DPP10: variants seen among roughly 807,000 people sequenced by gnomAD.
DPP10 encodes inactive dipeptidyl peptidase 10.
Under a neutral mutation model 120.9 loss-of-function variants are expected in DPP10, and 33 were observed. That is an observed-to-expected ratio of 0.27 (90% CI 0.21 to 0.37). The LOEUF (loss-of-function observed/expected upper bound fraction) is 0.37, where lower values mean the gene tolerates loss of function less well. Among genes scored for constraint, DPP10 ranks in the 10% least tolerant of loss-of-function variants. DPP10 has a pLI of 1.00. For missense variants in DPP10, 816 were observed against 942.8 expected, an observed-to-expected ratio of 0.87 and a Z score of 1.76; for synonymous variants, 337 against 326.1, an observed-to-expected ratio of 1.03 and a Z score of -0.36.
intron 3 of DPP10, among the ~76,000 whole-genome samples, chr2:115,436,177 A>C (rs2104821212): frequency 6.6e-6 from 1 of 152,020 alleles, no homozygotes; most frequent in South Asian, 2.1e-4. Context: ...GGTATGGAAT[A>C]GTTACAAAAA....
chr2:114,670,104 C>T (rs930407306), intron 1 of DPP10, among the ~76,000 whole-genome samples: 6 of 152,122 alleles, frequency 3.9e-5, no homozygotes, highest in Non-Finnish European at 5.9e-5. Context: ...TTGTGGAAGT[C>T]GGTGTGGAGA....
chr2:115,191,458 T>A (rs534046441), intron 1 of DPP10, among the ~76,000 whole-genome samples: 20 of 152,328 alleles, frequency 1.3e-4, no homozygotes, highest in African/African-American at 4.8e-4. Flanking sequence ...CCACAGGGTA[T>A]AACGAGGCAA....
intron 10 of DPP10, among the ~76,000 whole-genome samples, chr2:115,746,885 A>G (rs1575663770): frequency 6.6e-6 from 1 of 152,180 alleles, no homozygotes; most frequent in African/African-American, 2.4e-5. Context: ...ATTTAGAAAA[A>G]TGTTTTCACA....
At chr2:115,774,069 T>G (rs183919656) in intron 13 of DPP10, among the ~76,000 whole-genome samples, 3 of 152,174 alleles carry the variant, frequency 2.0e-5, no homozygotes, top group Admixed American at 2.0e-4. Context: ...CACTTGAAAG[T>G]GTAATATTTT....
chr2:114,907,420 A>T (rs1412723903), intron 1 of DPP10, among the ~76,000 whole-genome samples: 1 of 151,988 alleles, frequency 6.6e-6, no homozygotes, highest in Non-Finnish European at 1.5e-5. Context: ...TCTCTTTTTT[A>T]AATATAGAAT....
intron 1 of DPP10, among the ~76,000 whole-genome samples, chr2:115,086,193 C>A (rs1035242715): frequency 6.6e-6 from 1 of 152,138 alleles, no homozygotes; most frequent in Non-Finnish European, 1.5e-5. Context: ...AGTCTAGCAC[C>A]TTTTAAAGAT....
rs139413111 is a variant in DPP10 at position 114,574,373 on chromosome 2, G to A, written c.60+131535G>A. ...CCCCGCCCTGCACAGCGTCAGCGCC[G>A]CTTGCCCACCACTCTCCTAAAGACC... On this transcript the variant is annotated intron_variant, in intron 1 of 25. Transcript: ENST00000410059. Among the ~76,000 whole-genome samples the A allele has an allele frequency of 1.2e-4, 18 of 152,224 alleles. No homozygotes were observed. The East Asian group carries it at 2.7e-3, about 23-fold the overall frequency.
chr2:115,170,545 C>T (rs2053240416), intron 1 of DPP10, among the ~76,000 whole-genome samples: 1 of 152,172 alleles, frequency 6.6e-6, no homozygotes, highest in South Asian at 2.1e-4. Flanking sequence ...GATTTTCTAT[C>T]TACCTCACTA....
At chr2:114,482,887 AG>A (rs1305586942) in intron 1 of DPP10, among the ~76,000 whole-genome samples, 2 of 152,188 alleles carry the variant, frequency 1.3e-5, no homozygotes, top group Non-Finnish European at 2.9e-5. Flanking sequence ...TCAGTCACCA[AG>A]TTCACTCCTT....
At chr2:115,017,260 C>T (rs985085644) in intron 1 of DPP10, among the ~76,000 whole-genome samples, 7 of 151,612 alleles carry the variant, frequency 4.6e-5, no homozygotes, top group Admixed American at 4.6e-4. Flanking sequence ...AAATGCTCAT[C>T]ATCACTGGCC....
At chr2:115,605,999 C>T (rs2149235194) in intron 5 of DPP10, among the ~76,000 whole-genome samples, 1 of 152,110 alleles carries the variant, frequency 6.6e-6, no homozygotes, top group Admixed American at 6.5e-5. Flanking sequence ...CTTTCAAATT[C>T]CTAATGTAGA....
intron 1 of DPP10, among the ~76,000 whole-genome samples, chr2:114,770,139 A>T (rs923187834): frequency 2.0e-5 from 3 of 152,124 alleles, no homozygotes; most frequent in Non-Finnish European, 4.4e-5. Flanking sequence ...TAGAGTACCA[A>T]AATACCCATG....
chr2:115,226,649 T>C (rs1448864445), intron 1 of DPP10, among the ~76,000 whole-genome samples: 1 of 152,210 alleles, frequency 6.6e-6, no homozygotes, highest in Non-Finnish European at 1.5e-5. Flanking sequence ...GACACTTTAT[T>C]GAGCACTTCT....
intron 1 of DPP10, among the ~76,000 whole-genome samples, chr2:114,448,011 T>C (rs1440159729): frequency 6.6e-6 from 1 of 152,158 alleles, no homozygotes; most frequent in Admixed American, 6.5e-5. Flanking sequence ...CACTTACAAT[T>C]TCCATTTATG....
At chr2:114,825,203 T>C (rs1686424266) in intron 1 of DPP10, among the ~76,000 whole-genome samples, 2 of 152,232 alleles carry the variant, frequency 1.3e-5, no homozygotes, top group African/African-American at 4.8e-5. Flanking sequence ...GACTATATAT[T>C]TCTCCCTTCA....
chr2:115,570,083 T>C lies in DPP10; in HGVS notation c.441+44111T>C, dbSNP rs568574113. Among the ~76,000 whole-genome samples, 13 of 152,324 alleles carry C rather than the reference T, an allele frequency of 8.5e-5. No individual in the cohort carries two copies. In the South Asian group the frequency reaches 2.7e-3, roughly 32 times the overall value. On this transcript the variant is annotated intron_variant, in intron 5 of 25. Coordinates refer to ENST00000410059, the MANE Select transcript of DPP10 (RefSeq NM_020868.6). ...AAAGAAAATTCTAGGAAACATACTT[T>C]TTCTGACGTTGAAAAGTTGCTTTCT...
chr2:114,679,149 T>C (rs544553891), intron 1 of DPP10, among the ~76,000 whole-genome samples: 1 of 152,040 alleles, frequency 6.6e-6, no homozygotes, highest in Non-Finnish European at 1.5e-5. Context: ...ATGGCAGTTG[T>C]TTGAGAGGAT....
At chr2:115,244,210 G>A (rs868592560) in intron 1 of DPP10, among the ~76,000 whole-genome samples, 83 of 91,362 alleles carry the variant, frequency 9.1e-4, no homozygotes, top group African/African-American at 2.8e-3. Flanking sequence ...ATATATATAT[G>A]TGTGTGTATA....
chr2:114,527,276 C>T (rs1228302204), intron 1 of DPP10, among the ~76,000 whole-genome samples: 1 of 152,146 alleles, frequency 6.6e-6, no homozygotes, highest in Non-Finnish European at 1.5e-5. Context: ...TTCCCTCTAT[C>T]TCTCTATAAA....
Sources: gnomAD v4.1 joint callset for allele counts (sites outside exome capture counted in the v4.1 genomes callset) on GRCh38, gnomAD v4.1.1 for gene constraint, MANE v1.5 for transcripts, NCBI Gene and HGNC (gene_info 2026-07-23, HGNC 2026-07-21) for gene names.